CSMD1: variants seen among roughly 807,000 people sequenced by gnomAD.
CSMD1 encodes CUB and sushi domain-containing protein 1.
A neutral mutation model predicts 417.5 loss-of-function variants in CSMD1; 213 were observed. That is an observed-to-expected ratio of 0.51 (90% CI 0.46 to 0.57). The LOEUF (loss-of-function observed/expected upper bound fraction) is 0.57. Ranked by LOEUF, CSMD1 falls within the 20% of genes least tolerant of loss-of-function variation. The pLI is 0.00. For synonymous variants in CSMD1, 2,862 were observed against 1,736.8 expected, an observed-to-expected ratio of 1.65 and a Z score of -16.11; for missense variants, 6,923 against 4,529.7, an observed-to-expected ratio of 1.53 and a Z score of -15.17.
At chr8:4,506,803 A>C (rs1486993073) in intron 2 of CSMD1, among the ~76,000 whole-genome samples, 1 of 152,236 alleles carries the variant, frequency 6.6e-6, no homozygotes, top group Non-Finnish European at 1.5e-5. Context: ...TCTAATTTAC[A>C]GAATAACTAC....
intron 10 of CSMD1, among the ~76,000 whole-genome samples, chr8:3,498,619 T>G (rs1233995858): frequency 6.6e-6 from 1 of 152,212 alleles, no homozygotes; most frequent in Non-Finnish European, 1.5e-5. Flanking sequence ...CTTCTCCTTC[T>G]AGAACTCCCA....
At chr8:3,389,410 A>G (rs754836515) in intron 17 of CSMD1, among the ~76,000 whole-genome samples, 13 of 152,166 alleles carry the variant, frequency 8.5e-5, no homozygotes, top group Admixed American at 8.5e-4. Flanking sequence ...GGATAATGAC[A>G]TCCAGCTCCT....
At chr8:3,996,777 A>T (rs1815255331) in intron 5 of CSMD1, among the ~76,000 whole-genome samples, 1 of 152,212 alleles carries the variant, frequency 6.6e-6, no homozygotes, top group African/African-American at 2.4e-5. Context: ...CATTTAAAAC[A>T]AGCACAATAA....
chr8:3,977,350 G>A (rs893949511), intron 5 of CSMD1, among the ~76,000 whole-genome samples: 1 of 152,124 alleles, frequency 6.6e-6, no homozygotes, highest in Non-Finnish European at 1.5e-5. Flanking sequence ...GCAAAGCAAT[G>A]TCAAGTAGAA....
At chr8:4,247,488 C>T (rs1012624946) in intron 3 of CSMD1, among the ~76,000 whole-genome samples, 1 of 152,104 alleles carries the variant, frequency 6.6e-6, no homozygotes, top group Non-Finnish European at 1.5e-5. Flanking sequence ...TTTATGCAGG[C>T]TCATGTTTTC....
At chr8:3,886,808 G>A (rs532208641) in intron 5 of CSMD1, among the ~76,000 whole-genome samples, 1 of 152,150 alleles carries the variant, frequency 6.6e-6, no homozygotes, top group South Asian at 2.1e-4. Context: ...AAGGAAGGAG[G>A]GTAGAATAGA....
chr8:3,593,199 C>G (rs1431545625), intron 8 of CSMD1, among the ~76,000 whole-genome samples: 6 of 152,240 alleles, frequency 3.9e-5, no homozygotes, highest in Non-Finnish European at 7.3e-5. Flanking sequence ...CCCCACCATA[C>G]TTGGGACCAA....
chr8:4,925,213 T>C (rs1030311121), intron 1 of CSMD1, among the ~76,000 whole-genome samples: 5 of 115,222 alleles, frequency 4.3e-5, no homozygotes, highest in Admixed American at 1.2e-4. Flanking sequence ...ACCAGTTTTA[T>C]GGTTTTTTTT....
rs545226513 is a variant in CSMD1 at position 4,156,004 on chromosome 8, T to A, written c.416-123905A>T. Among the ~76,000 whole-genome samples, 5 of 152,264 alleles carry A rather than the reference T, an allele frequency of 3.3e-5. No individual in the cohort carries two copies. The East Asian group carries it at 9.7e-4, about 29-fold the overall frequency. On this transcript the variant is annotated intron_variant, in intron 3 of 69. Coordinates refer to ENST00000635120, the MANE Select transcript of CSMD1 (RefSeq NM_033225.6). ...GCTGATAAACATCAAAAAAGCCTAATGGAGTCACAGACCCAGTGGCCTGGT... is the reference window on the plus strand; with the variant it reads ...GCTGATAAACATCAAAAAAGCCTAAAGGAGTCACAGACCCAGTGGCCTGGT...
At chr8:4,280,141 C>A (rs1263535295) in intron 3 of CSMD1, among the ~76,000 whole-genome samples, 1 of 152,154 alleles carries the variant, frequency 6.6e-6, no homozygotes, top group Admixed American at 6.5e-5. Context: ...TGTAAATATT[C>A]TGAATTATTT....
chr8:4,886,676 A>G (rs1305690882), intron 1 of CSMD1, among the ~76,000 whole-genome samples: 1 of 152,030 alleles, frequency 6.6e-6, no homozygotes, highest in Non-Finnish European at 1.5e-5. Flanking sequence ...CACAGTACAT[A>G]TCACAGATTC....
intron 5 of CSMD1, among the ~76,000 whole-genome samples, chr8:3,877,425 T>C (rs761954996): frequency 2.0e-5 from 3 of 152,310 alleles, no homozygotes; most frequent in Admixed American, 6.5e-5. Context: ...AAGCGGAGTC[T>C]AGCGTTCCAG....
intron 1 of CSMD1, among the ~76,000 whole-genome samples, chr8:4,685,446 G>A (rs1003219402): frequency 3.3e-5 from 5 of 151,900 alleles, no homozygotes; most frequent in African/African-American, 7.3e-5. Flanking sequence ...GTGGTGGCAC[G>A]TGCCTGTAAT....
At chr8:3,640,635 A>G (rs374706303) in intron 7 of CSMD1, among the ~76,000 whole-genome samples, 43 of 152,354 alleles carry the variant, frequency 2.8e-4, no homozygotes, top group African/African-American at 9.9e-4. Flanking sequence ...TCGTCCTGCT[A>G]CGTAAATTAG....
intron 5 of CSMD1, among the ~76,000 whole-genome samples, chr8:3,893,940 T>C (rs1807170113): frequency 6.6e-6 from 1 of 152,046 alleles, no homozygotes; most frequent in Non-Finnish European, 1.5e-5. Flanking sequence ...ACCGCACGTG[T>C]GCACCCAGAG....
At chr8:4,763,922 A>C (rs533533240) in intron 1 of CSMD1, among the ~76,000 whole-genome samples, 33 of 152,240 alleles carry the variant, frequency 2.2e-4, no homozygotes, top group Non-Finnish European at 4.3e-4. Flanking sequence ...CAAAATATTG[A>C]GTCTGAACAA....
rs771567817 is a variant in CSMD1 at position 4,994,347 on chromosome 8, G to C, written c.70C>G (p.Leu24Val). The C allele has an allele frequency of 6.2e-7, 1 of 1,611,096 alleles. No individual in the cohort carries two copies. Among genetic ancestry groups the C allele is most frequent in the Non-Finnish European group, 8.5e-7 (1 of 1,179,800 alleles). The change falls in exon 1 of 70, where the codon CTC becomes GTC. Residue 24 changes from leucine to valine, a missense_variant. Physicochemically the swap from Leu to Val is conservative, Grantham distance 32 (BLOSUM62 1). Coordinates refer to ENST00000635120, the MANE Select transcript of CSMD1 (RefSeq NM_033225.6). ...TCCGTCTTACCCTTCGCTGCAGTGAGGAGCCTCGCGCACAGCACCAGCAGC... is the reference window on the plus strand; with the variant it reads ...TCCGTCTTACCCTTCGCTGCAGTGACGAGCCTCGCGCACAGCACCAGCAGC... ...LGLLVLCARL[L>V]TAAKGQNCGG...
At chr8:3,019,728 T>A (rs1809198417) in intron 51 of CSMD1, among the ~76,000 whole-genome samples, 1 of 152,188 alleles carries the variant, frequency 6.6e-6, no homozygotes, top group African/African-American at 2.4e-5. Context: ...GTACTCCAGT[T>A]TGGCAAACAA....
chr8:3,022,166 G>A (rs607559), intron 51 of CSMD1, among the ~76,000 whole-genome samples: 38,639 of 138,542 alleles, frequency 0.28, 6,505 homozygotes, highest in African/African-American at 0.46. Flanking sequence ...AACAGCATCC[G>A]GAATGCACCG....
Sources: gnomAD v4.1 joint callset for allele counts (sites outside exome capture counted in the v4.1 genomes callset) on GRCh38, gnomAD v4.1.1 for gene constraint, MANE v1.5 for transcripts, NCBI Gene and HGNC (gene_info 2026-07-23, HGNC 2026-07-21) for gene names.